Variants in OXR1 observed in about 807,000 individuals in gnomAD.
The protein encoded by OXR1 is oxidation resistance 1.
Under a neutral mutation model 104.6 loss-of-function variants are expected in OXR1, and 41 were observed. The observed-to-expected ratio is 0.39, with a 90% CI of 0.31 to 0.51. The LOEUF is 0.51. OXR1 is among the 20% of genes least tolerant of loss of function. OXR1 has a pLI of 0.77. For synonymous variants in OXR1, 348 were observed against 348.4 expected (o/e 1.00, Z 0.01); for missense variants, 955 against 1,031.9 (o/e 0.93, Z 1.02).
intron 2 of OXR1, among the ~76,000 whole-genome samples, chr8:106,397,725 C>T (rs1033763822): frequency 6.6e-6 from 1 of 152,010 alleles, no homozygotes; most frequent in Non-Finnish European, 1.5e-5. Context: ...TAAAAGTCAA[C>T]ATGACCCAAG....
chr8:106,398,255 A>C (rs986983144), intron 2 of OXR1, among the ~76,000 whole-genome samples: 3 of 152,190 alleles, frequency 2.0e-5, no homozygotes, highest in African/African-American at 7.2e-5. Flanking sequence ...CTTTATTCTT[A>C]AACTTAGCTG....
chr8:106,645,936 A>T (rs890238928), intron 3 of OXR1, among the ~76,000 whole-genome samples: 21 of 152,014 alleles, frequency 1.4e-4, no homozygotes, highest in African/African-American at 4.8e-4. Context: ...ACTTCATTTC[A>T]TCTTGTATTG....
At chr8:106,733,659 T>G (rs1834096701) in intron 11 of OXR1, among the ~76,000 whole-genome samples, 1 of 151,828 alleles carries the variant, frequency 6.6e-6, no homozygotes, top group African/African-American at 2.4e-5. Context: ...ATACAAAAAT[T>G]AGCCGTGCGT....
intron 1 of OXR1, among the ~76,000 whole-genome samples, chr8:106,338,050 T>G (rs1399858274): frequency 6.6e-6 from 1 of 152,182 alleles, no homozygotes; most frequent in Non-Finnish European, 1.5e-5. Context: ...ATTTTATCTG[T>G]TAAACAAAAT....
intron 3 of OXR1, among the ~76,000 whole-genome samples, chr8:106,562,618 G>C (rs916741213): frequency 6.6e-6 from 1 of 151,976 alleles, no homozygotes; most frequent in African/African-American, 2.4e-5. Flanking sequence ...GAAATAAAGA[G>C]AACACCACAA....
At chr8:106,470,067 A>G (rs1821403772) in intron 2 of OXR1, among the ~76,000 whole-genome samples, 1 of 151,776 alleles carries the variant, frequency 6.6e-6, no homozygotes, top group Non-Finnish European at 1.5e-5. Flanking sequence ...CTACAGTGCA[A>G]TGAGTTAGTG....
intron 2 of OXR1, among the ~76,000 whole-genome samples, chr8:106,373,636 CT>C (rs1586578924): frequency 6.6e-6 from 1 of 152,302 alleles, no homozygotes; most frequent in East Asian, 1.9e-4. Context: ...GTCACCCAGG[CT>C]GGAGTGCAAT....
intron 2 of OXR1, among the ~76,000 whole-genome samples, chr8:106,407,187 T>G (rs1443937106): frequency 6.6e-6 from 1 of 152,226 alleles, no homozygotes; most frequent in Admixed American, 6.5e-5. Flanking sequence ...TACTTATGTA[T>G]GTACATCTGT....
intron 7 of OXR1, among the ~76,000 whole-genome samples, chr8:106,696,823 C>T (rs1830083807): frequency 6.6e-6 from 1 of 152,218 alleles, no homozygotes. Flanking sequence ...TCTCCGTCCC[C>T]TCACCCCACC....
chr8:106,691,619 C>T (rs199679890), intron 6 of OXR1, among the ~76,000 whole-genome samples: 4 of 140,980 alleles, frequency 2.8e-5, no homozygotes, highest in East Asian at 2.1e-4. Flanking sequence ...CATATATATA[C>T]ATATATATAT....
intron 3 of OXR1, among the ~76,000 whole-genome samples, chr8:106,633,384 T>C (rs572249064): frequency 6.6e-6 from 1 of 152,340 alleles, no homozygotes; most frequent in African/African-American, 2.4e-5. Context: ...TCAAAAGTTA[T>C]TGATTTTCAA....
chr8:106,332,434 T>A (rs1279008729), intron 1 of OXR1, among the ~76,000 whole-genome samples: 1 of 152,186 alleles, frequency 6.6e-6, no homozygotes, highest in Non-Finnish European at 1.5e-5. Flanking sequence ...AACTTATTGG[T>A]TGGAAACTGC....
chr8:106,327,243 A>G (rs16874400), intron 1 of OXR1, among the ~76,000 whole-genome samples: 3,664 of 152,316 alleles, frequency 0.024, 53 homozygotes, highest in South Asian at 0.097. Flanking sequence ...GATTAAAAAT[A>G]TAGTGAGCAA....
intron 2 of OXR1, among the ~76,000 whole-genome samples, 199 bp downstream of exon 2, chr8:106,359,835 G>T (rs1816162660): frequency 6.6e-6 from 1 of 152,140 alleles, no homozygotes; most frequent in South Asian, 2.1e-4. Flanking sequence ...ATATCTGGGG[G>T]CTCTGGAAAG....
At position 106,541,858 on chromosome 8, in the gene OXR1, TAAGA is replaced by T. The variant is rs1814976626; in HGVS notation, c.220+22720_220+22723del. Reference sequence around the variant, plus strand: ...AGAAACACATAAAATGAAGTAGGGATAAGATACCAACATTTTACCCAGGCCCAGT... The same window carrying T: ...AGAAACACATAAAATGAAGTAGGGATTACCAACATTTTACCCAGGCCCAGT... On this transcript the variant is annotated intron_variant, in intron 3 of 16. Transcript: ENST00000517566. 1.3e-5 allele frequency among the ~76,000 whole-genome samples: 2 copies of T among 152,206 alleles called. 1 individual carries two copies. The highest frequency in any genetic ancestry group is 1.3e-4 in the Admixed American group (2 of 15,278).
chr8:106,324,668 A>G (rs1391444402), intron 1 of OXR1, among the ~76,000 whole-genome samples: 1 of 151,920 alleles, frequency 6.6e-6, no homozygotes, highest in African/African-American at 2.4e-5. Flanking sequence ...ATCGTCATCA[A>G]CCACCCACTG....
rs1816137670 is a variant in OXR1, at chr8:106,359,238, CG to C, written c.-138-234del. Among the ~76,000 whole-genome samples, 4 of 152,046 alleles carry C rather than the reference CG, an allele frequency of 2.6e-5. No individual in the cohort carries two copies. The South Asian group carries it at 8.3e-4, about 32-fold the overall frequency. On this transcript the variant is annotated intron_variant, in intron 1 of 16. Transcript: ENST00000517566. The stretch of plus-strand genomic sequence containing the variant: ...TCTCATTTCCCTGAATTCTCTACTC[CG>C]GGGATTTAACATTTTATTAACTGTT...
At chr8:106,405,179 TATATATATATATATATATATATAG>T (rs1563757962) in intron 2 of OXR1, among the ~76,000 whole-genome samples, 4 of 24,578 alleles carry the variant, frequency 1.6e-4, no homozygotes, top group South Asian at 2.2e-3. Context: ...TATATATATA[TATATATATATATATATATATATAG>T]TGTGTGTGTG....
chr8:106,530,166 T>C (rs1813988375), intron 3 of OXR1, among the ~76,000 whole-genome samples: 1 of 152,214 alleles, frequency 6.6e-6, no homozygotes, highest in South Asian at 2.1e-4. Context: ...AATGTTTTCA[T>C]TTTTTTAGGA....
Sources: gnomAD v4.1 joint callset for allele counts (sites outside exome capture counted in the v4.1 genomes callset) on GRCh38, gnomAD v4.1.1 for gene constraint, MANE v1.5 for transcripts, NCBI Gene and HGNC (gene_info 2026-07-23, HGNC 2026-07-21) for gene names.